The following TMPRSS11A variants were observed in gnomAD, a reference collection of about 807,000 sequenced individuals.
TMPRSS11A encodes transmembrane protease serine 11A.
In TMPRSS11A, 53 loss-of-function variants were observed where a neutral mutation model predicts 58.9. The observed-to-expected ratio is 0.90, with a 90% CI of 0.72 to 1.13. The LOEUF (loss-of-function observed/expected upper bound fraction) is 1.13. Among genes scored for constraint, TMPRSS11A ranks in the 50% most tolerant of loss-of-function variants. TMPRSS11A has a pLI of 0.00. For synonymous variants in TMPRSS11A, 167 were observed against 169.8 expected, an observed-to-expected ratio of 0.98 and a Z score of 0.13; for missense variants, 493 against 499.3, an observed-to-expected ratio of 0.99 and a Z score of 0.12.
intron 3 of TMPRSS11A, among the ~76,000 whole-genome samples, chr4:67,933,265 G>T (rs1720673064): frequency 6.6e-6 from 1 of 152,116 alleles, no homozygotes; most frequent in Admixed American, 6.6e-5. Flanking sequence ...CTGCGAAGAA[G>T]TATCTTCATT....
rs949952903 is a variant in TMPRSS11A, at chr4:67,919,010, A to C, written c.915T>G (p.Thr305=). 6.2e-7 allele frequency: 1 copy of C among 1,614,060 alleles called. No individual in the cohort carries two copies. Among genetic ancestry groups the C allele is most frequent in the African/African-American group, 1.3e-5 (1 of 74,918 alleles). Reference sequence around the variant, plus strand: ...GTGCTCCAAATCCTGTGATGTGGACAGTCAAATTTGGTTGGAAGGATGCAG... The same window carrying C: ...GTGCTCCAAATCCTGTGATGTGGACCGTCAAATTTGGTTGGAAGGATGCAG... ...EASASFQPNL[T]VHITGFGALY... The change falls in exon 8 of 10, where the codon ACT becomes ACG. Residue 305 remains threonine, a synonymous_variant. Coordinates refer to ENST00000508048, the MANE Select transcript of TMPRSS11A (RefSeq NM_001114387.2).
chr4:67,959,791 C>T (rs373766766), intron 1 of TMPRSS11A, among the ~76,000 whole-genome samples: 7 of 152,256 alleles, frequency 4.6e-5, no homozygotes, highest in African/African-American at 1.7e-4. Flanking sequence ...TAAGACAGAA[C>T]TATTTAACAC....
In TMPRSS11A at chr4:67,911,475, C is replaced by G. The variant is rs1209016015; in HGVS notation, c.1124G>C (p.Arg375Thr). 1 of 1,612,650 alleles carries G rather than the reference C, an allele frequency of 6.2e-7. No homozygotes were observed. Among genetic ancestry groups the G allele is most frequent in the Admixed American group, 1.7e-5 (1 of 59,822 alleles). ...GAGATACCACGTATCTTTCAGATCC[C>G]TTGTGACTAAAGGTCCCCCAGAATC... ...RGDSGGPLVT[R>T]DLKDTWYLIG... is the part of the protein sequence containing the mutation. Residue 375 changes from arginine to threonine, a missense_variant, in exon 10 of 10, where the codon AGG (arginine) becomes ACG (threonine). Physicochemically the swap from Arg to Thr is moderately conservative, Grantham distance 71. Transcript: ENST00000508048.
At chr4:67,930,937 G>A (rs1466569508) in intron 4 of TMPRSS11A, among the ~76,000 whole-genome samples, 1 of 149,278 alleles carries the variant, frequency 6.7e-6, no homozygotes, top group African/African-American at 2.5e-5. Context: ...TTTAGGCTCT[G>A]GAATATAAAG....
intron 1 of TMPRSS11A, among the ~76,000 whole-genome samples, chr4:67,957,000 G>A (rs1375126925): frequency 1.3e-5 from 2 of 152,098 alleles, no homozygotes; most frequent in African/African-American, 4.8e-5. Context: ...GTTTTATGAG[G>A]GGGAGTTTCC....
Position 67,919,230 on chromosome 4 carries a change from T to C in TMPRSS11A, c.695A>G (p.Tyr232Cys). 1.2e-6 allele frequency: 2 copies of C among 1,613,534 alleles called. No individual in the cohort carries two copies. Among genetic ancestry groups the C allele is most frequent in the Non-Finnish European group, 8.5e-7 (1 of 1,179,602 alleles). ...AACAGTCCATTGATGTGGATTTTTA[T>C]ACCTGGAAAAGGTTAGAAATTAACA... ...LVTAAHCFQK[Y>C]KNPHQWTVSF... The change falls in exon 8 of 10, where the codon TAT (tyrosine) becomes TGT (cysteine). Residue 232 changes from tyrosine (Y) to cysteine (C), a missense_variant and splice_region_variant. Physicochemically the swap from Tyr to Cys is radical, Grantham distance 194. Transcript: ENST00000508048.
intron 4 of TMPRSS11A, 67 bp from the exon 5 acceptor site, chr4:67,930,107 G>C: frequency 7.0e-7 from 1 of 1,432,482 alleles, no homozygotes; most frequent in Non-Finnish European, 9.6e-7. Context: ...AGTCTTACCT[G>C]TATCTTCCTC....
At chr4:67,944,486 A>AGGG (rs773522969) in intron 3 of TMPRSS11A, 33 bp downstream of exon 3, 1 of 1,596,142 alleles carries the variant, frequency 6.3e-7, no homozygotes, top group Non-Finnish European at 8.5e-7. Flanking sequence ...CACTTGCATT[A>AGGG]TTCTATGATA....
intron 8 of TMPRSS11A, among the ~76,000 whole-genome samples, chr4:67,918,482 T>G (rs1302617317): frequency 2.6e-5 from 4 of 152,236 alleles, no homozygotes; most frequent in Non-Finnish European, 5.9e-5. Flanking sequence ...CCACTCAATC[T>G]GAGTCCTCCT....
intron 1 of TMPRSS11A, among the ~76,000 whole-genome samples, chr4:67,951,274 G>A (rs1351741234): frequency 6.6e-6 from 1 of 152,204 alleles, no homozygotes; most frequent in Non-Finnish European, 1.5e-5. Context: ...ATAATTTCAT[G>A]ACTTTGCTTT....
chr4:67,920,697 G>T (rs1301134028), intron 7 of TMPRSS11A, among the ~76,000 whole-genome samples: 1 of 151,462 alleles, frequency 6.6e-6, no homozygotes, highest in African/African-American at 2.4e-5. Flanking sequence ...TGTGTCATGG[G>T]GTTTTGTTGT....
chr4:67,915,061 T>C (rs114463573), intron 8 of TMPRSS11A, among the ~76,000 whole-genome samples: 3,539 of 152,252 alleles, frequency 0.023, 79 homozygotes, highest in Admixed American at 0.066. Flanking sequence ...TTCCAGATTG[T>C]TCCCAGAAAC....
intron 9 of TMPRSS11A, among the ~76,000 whole-genome samples, chr4:67,911,769 A>G (rs908611831): frequency 3.3e-5 from 5 of 152,162 alleles, no homozygotes; most frequent in Non-Finnish European, 4.4e-5. Flanking sequence ...AGAGGCTTGA[A>G]AAGCAGTTAT....
At chr4:67,938,646 C>G (rs1056785106) in intron 3 of TMPRSS11A, among the ~76,000 whole-genome samples, 3 of 152,112 alleles carry the variant, frequency 2.0e-5, no homozygotes, top group African/African-American at 7.2e-5. Context: ...GCTATTCCAG[C>G]ACCATTTATT....
At chr4:67,961,990 G>A (rs781678673) in intron 1 of TMPRSS11A, among the ~76,000 whole-genome samples, 9 of 151,958 alleles carry the variant, frequency 5.9e-5, no homozygotes, top group Non-Finnish European at 1.2e-4. Flanking sequence ...GAGTGATTTG[G>A]AGAATATGAA....
chr4:67,941,113 T>A (rs138798596), intron 3 of TMPRSS11A, among the ~76,000 whole-genome samples: 1 of 152,300 alleles, frequency 6.6e-6, no homozygotes, highest in East Asian at 1.9e-4. Context: ...TATAGCAATA[T>A]CTAAATATGA....
intron 9 of TMPRSS11A, among the ~76,000 whole-genome samples, chr4:67,912,370 A>G (rs1720006921): frequency 6.6e-6 from 1 of 152,044 alleles, no homozygotes; most frequent in Admixed American, 6.6e-5. Flanking sequence ...CGAGCTGGTT[A>G]CTTTAAGCCT....
At chr4:67,917,714 G>C (rs988202839) in intron 8 of TMPRSS11A, among the ~76,000 whole-genome samples, 3 of 152,036 alleles carry the variant, frequency 2.0e-5, no homozygotes, top group African/African-American at 7.3e-5. Flanking sequence ...CATTATGACA[G>C]GTATGTTTCT....
intron 5 of TMPRSS11A, among the ~76,000 whole-genome samples, chr4:67,926,062 A>G (rs987348758): frequency 2.6e-5 from 4 of 152,242 alleles, no homozygotes; most frequent in Non-Finnish European, 5.9e-5. Context: ...GCTAGTTAAT[A>G]TTCAGGGCTC....
Sources: allele counts gnomAD v4.1 joint callset (sites outside exome capture counted in the v4.1 genomes callset), GRCh38; gene constraint gnomAD v4.1.1; transcripts MANE v1.5; gene names NCBI Gene and HGNC (gene_info 2026-07-23, HGNC 2026-07-21).